CWH43: variants seen among roughly 807,000 people sequenced by gnomAD.
CWH43 encodes the protein cell wall biogenesis 43 C-terminal homolog.
A neutral mutation model predicts 85.7 loss-of-function variants in CWH43; 91 were observed. That is an observed-to-expected ratio of 1.06 (90% confidence interval 0.90 to 1.26). The LOEUF (loss-of-function observed/expected upper bound fraction) is 1.26. CWH43 is among the 50% of genes most tolerant of loss of function. The pLI is 0.00. For missense variants in CWH43, 869 were observed against 839.2 expected, an observed-to-expected ratio of 1.04 and a Z score of -0.44; for synonymous variants, 323 against 293.6, an observed-to-expected ratio of 1.10 and a Z score of -1.02.
intron 9 of CWH43, among the ~76,000 whole-genome samples, chr4:49,028,255 A>T (rs1314713850): frequency 6.6e-6 from 1 of 152,006 alleles, no homozygotes; most frequent in Non-Finnish European, 1.5e-5. Context: ...TTGTGGACCT[A>T]TGTAGCCCTA....
chr4:48,997,225 CTT>C (rs35408755), intron 5 of CWH43, among the ~76,000 whole-genome samples: 5 of 145,188 alleles, frequency 3.4e-5, no homozygotes, highest in South Asian at 2.2e-4. Context: ...TAACTTAAAA[CTT>C]TTTTTTTTTT....
At chr4:49,050,182 CTT>C (rs1414087989) in intron 14 of CWH43, among the ~76,000 whole-genome samples, 1 of 152,198 alleles carries the variant, frequency 6.6e-6, no homozygotes, top group Non-Finnish European at 1.5e-5. Context: ...AATAAGAACT[CTT>C]TGCATAATGT....
chr4:49,010,665 T>G (rs1783327740), intron 8 of CWH43, among the ~76,000 whole-genome samples: 3 of 152,096 alleles, frequency 2.0e-5, no homozygotes, highest in African/African-American at 7.2e-5. Context: ...CAGAGATTCT[T>G]GTACATTGTG....
At position 49,022,167 on chromosome 4, in the gene CWH43, A is replaced by G. The variant is rs564225208; in HGVS notation, c.1266+4839A>G. ...TGCCTTCAACTTTTCCCTATTCAGT[A>G]TAATGTTGGCCGTGGGTTTATAATA... On this transcript the variant is annotated intron_variant, in intron 9 of 15. Coordinates refer to ENST00000226432, the MANE Select transcript of CWH43 (RefSeq NM_025087.3). Among the ~76,000 whole-genome samples, 364 of 152,228 alleles carry G rather than the reference A, an allele frequency of 2.4e-3. 2 individuals are homozygous for G. Among genetic ancestry groups the G allele is most frequent in the African/African-American group, 8.6e-3 (357 of 41,534 alleles).
At chr4:48,987,827 C>T (rs561113703) in intron 1 of CWH43, among the ~76,000 whole-genome samples, 3 of 152,312 alleles carry the variant, frequency 2.0e-5, no homozygotes, top group South Asian at 4.1e-4. Context: ...CTCAAGGGAA[C>T]GACTGCTGCC....
chr4:49,032,099 C>G (rs950750815), intron 11 of CWH43, among the ~76,000 whole-genome samples: 1 of 152,198 alleles, frequency 6.6e-6, no homozygotes, highest in Non-Finnish European at 1.5e-5. Flanking sequence ...AGAAGCCTGC[C>G]AAGGACTGAG....
intron 13 of CWH43, among the ~76,000 whole-genome samples, chr4:49,041,059 T>C (rs1215401385): frequency 6.6e-6 from 1 of 152,198 alleles, no homozygotes; most frequent in Non-Finnish European, 1.5e-5. Flanking sequence ...GTTGTAAATA[T>C]GTGGCATTAT....
chr4:49,047,905 T>C (rs1254725613), intron 14 of CWH43, among the ~76,000 whole-genome samples: 4 of 152,206 alleles, frequency 2.6e-5, no homozygotes, highest in Admixed American at 2.6e-4. Context: ...TTTACACCAC[T>C]AACTCAGAAA....
In CWH43 at chr4:49,007,220, C is replaced by T. The variant is rs769722314; in HGVS notation, c.1080C>T (p.Ile360=). 42 of 1,609,796 alleles carry T rather than the reference C, an allele frequency of 2.6e-5. 1 individual carries two copies. The East Asian group carries it at 4.7e-4, about 18-fold the overall frequency. ...TAACAGGGACAATGATGTTAATTATCGGGCTGAATATGCTATTTGGTCCTA... is the reference window on the plus strand; with the variant it reads ...TAACAGGGACAATGATGTTAATTATTGGGCTGAATATGCTATTTGGTCCTA... ...DVLLGTMMLI[I]GLNMLFGPKK... is the part of the protein sequence containing the mutation. Residue 360 remains isoleucine (I), a synonymous_variant, in exon 8 of 16, where the codon ATC becomes ATT. Transcript: ENST00000226432.
intron 6 of CWH43, 165 bp from the exon 7 acceptor site, chr4:49,003,570 G>A (rs1783059254): frequency 1.5e-6 from 1 of 655,206 alleles, no homozygotes; most frequent in African/African-American, 1.8e-5. Context: ...CTGGCTGTGT[G>A]ACATTAGGCA....
intron 13 of CWH43, among the ~76,000 whole-genome samples, chr4:49,038,415 A>G (rs1254140237): frequency 1.3e-5 from 2 of 152,154 alleles, no homozygotes; most frequent in Non-Finnish European, 2.9e-5. Flanking sequence ...ATGCAGGGTC[A>G]ACTAGGTGTC....
At position 49,032,557 on chromosome 4, in the gene CWH43, C is replaced by G. The variant is rs1218961881; in HGVS notation, c.1509-9C>G. ...AATGATGCCCATGTCTCTTTTCATT[C>G]CAATACAGGATTATGGCTTTGTCAA... On this transcript the variant is annotated splice_polypyrimidine_tract_variant and intron_variant, in intron 11 of 15. Transcript: ENST00000226432. 1 of 1,613,764 alleles carries G rather than the reference C, an allele frequency of 6.2e-7. No individual in the cohort carries two copies.
rs141376548 is a variant in CWH43, at chr4:48,988,535, G to T, written c.102G>T (p.Leu34Phe). 6.7e-5 allele frequency: 108 copies of T among 1,610,858 alleles called. No homozygotes were observed. The African/African-American group carries it at 1.4e-3, about 20-fold the overall frequency. Residue 34 changes from leucine (L) to phenylalanine (F), a missense_variant, in exon 2 of 16, where the codon TTG (leucine) becomes TTT (phenylalanine). Physicochemically the swap from Leu to Phe is conservative, Grantham distance 22 (BLOSUM62 0). This residue lies in a region of CWH43 where 140 missense variants were observed against 122.6 expected (regional missense o/e 1.14). Transcript: ENST00000226432. ...GACCGATGATCTATTACTTTCCTTTGCAAACACTAGAACTCACTGGGCTTG... is the reference window on the plus strand; with the variant it reads ...GACCGATGATCTATTACTTTCCTTTTCAAACACTAGAACTCACTGGGCTTG... ...DLGPMIYYFPLQTLELTGLEG... is the reference protein window; with the variant it reads ...DLGPMIYYFPFQTLELTGLEG...
chr4:49,015,176 GATC>G (rs963828153), intron 8 of CWH43, among the ~76,000 whole-genome samples: 1 of 151,336 alleles, frequency 6.6e-6, no homozygotes, highest in Non-Finnish European at 1.5e-5. Flanking sequence ...TATCTAATGT[GATC>G]ATCTTACTTT....
intron 9 of CWH43, among the ~76,000 whole-genome samples, chr4:49,024,064 C>T (rs1443289329): frequency 6.6e-6 from 1 of 152,090 alleles, no homozygotes; most frequent in Non-Finnish European, 1.5e-5. Context: ...GTGATATTTT[C>T]CTGTTGGACT....
intron 14 of CWH43, among the ~76,000 whole-genome samples, chr4:49,046,824 G>A (rs182195382): frequency 2.8e-4 from 42 of 152,300 alleles, no homozygotes; most frequent in Non-Finnish European, 5.6e-4. Flanking sequence ...TGATTCACAG[G>A]TTCCTCTACA....
Position 48,986,718 on chromosome 4 carries a change from C to T in CWH43, c.43+246C>T, listed in dbSNP as rs143985933. ...CGAGAGACCCCGTCGCCCGAGTTCC[C>T]AGCAGCCCTGGGATTGTGCCCAAGG... On this transcript the variant is annotated intron_variant, in intron 1 of 15. Coordinates refer to ENST00000226432, the MANE Select transcript of CWH43 (RefSeq NM_025087.3). The T allele has an allele frequency of 7.0e-5, 95 of 1,349,514 alleles. No homozygotes were observed. The African/African-American group carries it at 1.3e-3, about 18-fold the overall frequency. 83.6% of individuals were successfully genotyped at this position (1,349,514 alleles called of 1,614,324 possible). A position where few individuals can be genotyped will look rare whatever the true frequency, so the allele number is the denominator to read the frequency against.
Position 49,044,865 on chromosome 4 carries a change from A to G in CWH43, c.1865+18A>G. On this transcript the variant is annotated intron_variant, in intron 14 of 15. Transcript: ENST00000226432. ...CTGATCAGGTGAGCACAGGGGTTTG[A>G]TTTTGTTTTTAATCTATTATTAATG... 6.2e-7 allele frequency: 1 copy of G among 1,604,610 alleles called. No individual in the cohort carries two copies. The highest frequency in any genetic ancestry group is 1.1e-5 in the South Asian group (1 of 90,350).
intron 12 of CWH43, among the ~76,000 whole-genome samples, chr4:49,034,892 A>G (rs771001894): frequency 4.6e-5 from 7 of 152,214 alleles, no homozygotes; most frequent in Non-Finnish European, 8.8e-5. Flanking sequence ...ACTGGCCATT[A>G]CTAAACCAAA....
Sources: allele counts gnomAD v4.1 joint callset (sites outside exome capture counted in the v4.1 genomes callset), GRCh38; gene constraint gnomAD v4.1.1; regional missense constraint gnomAD v4.1.1; transcripts MANE v1.5; gene names NCBI Gene and HGNC (gene_info 2026-07-23, HGNC 2026-07-21).